The following KIAA1217 variants were observed in gnomAD, a reference collection of about 807,000 sequenced individuals.
The protein encoded by KIAA1217 is sickle tail protein homolog.
In KIAA1217, 88 loss-of-function variants were observed where a neutral mutation model predicts 163.9. The observed-to-expected ratio is 0.54, with a 90% CI of 0.45 to 0.64. The LOEUF (loss-of-function observed/expected upper bound fraction) is 0.64. KIAA1217 is among the 30% of genes least tolerant of loss of function. The pLI, the probability that KIAA1217 is intolerant of heterozygous loss-of-function variation, is 0.00. For synonymous variants in KIAA1217, 903 were observed against 923.1 expected (o/e 0.98, Z 0.39); for missense variants, 2,372 against 2,475.0 (o/e 0.96, Z 0.88).
chr10:23,704,221 A>C (rs1225062647), intron 1 of KIAA1217, among the ~76,000 whole-genome samples: 4 of 101,550 alleles, frequency 3.9e-5, no homozygotes, highest in African/African-American at 1.6e-4. Context: ...TAGTGAGCTC[A>C]GTGGTAAATA....
intron 2 of KIAA1217, among the ~76,000 whole-genome samples, chr10:24,233,940 A>C (rs561264723): frequency 5.3e-4 from 81 of 152,254 alleles, no homozygotes; most frequent in African/African-American, 1.9e-3. Flanking sequence ...AGTTATGATC[A>C]CACCTTCTCT....
At chr10:24,544,761 G>C (rs1038100554) in intron 19 of KIAA1217, among the ~76,000 whole-genome samples, 5 of 152,146 alleles carry the variant, frequency 3.3e-5, no homozygotes, top group Non-Finnish European at 4.4e-5. Context: ...TGTTGAAATG[G>C]TTGCTCTGAT....
chr10:24,540,278 G>T (rs2074824797), intron 17 of KIAA1217, among the ~76,000 whole-genome samples: 1 of 152,146 alleles, frequency 6.6e-6, no homozygotes, highest in Non-Finnish European at 1.5e-5. Context: ...CTCTCGCCCA[G>T]GCTGGAGTGC....
At chr10:23,912,054 T>A (rs571365794) in intron 1 of KIAA1217, among the ~76,000 whole-genome samples, 1 of 152,250 alleles carries the variant, frequency 6.6e-6, no homozygotes, top group South Asian at 2.1e-4. Context: ...TTCCATTTAG[T>A]GGTTCCTGGA....
In KIAA1217 at chr10:24,524,481, C is replaced by G. The variant is rs781201803; in HGVS notation, c.2615C>G (p.Ala872Gly). Reference protein sequence around the residue: ...PFHSTGAPGDAKSEVVPLSGM... With the variant: ...PFHSTGAPGDGKSEVVPLSGM... ...CACAGCACAGGTGCCCCTGGCGATG[C>G]GAAGTCGGAAGTGGTGCCTTTGTCC... Residue 872 changes from alanine (A) to glycine (G), a missense_variant, in exon 13 of 21, where the codon GCG (alanine) becomes GGG (glycine). Ala to Gly is a moderately conservative substitution (Grantham distance 60, BLOSUM62 0). Coordinates refer to ENST00000376454, the MANE Select transcript of KIAA1217 (RefSeq NM_019590.5). The G allele has an allele frequency of 6.2e-7, 1 of 1,614,054 alleles. No homozygotes were observed. Among genetic ancestry groups the G allele is most frequent in the Non-Finnish European group, 8.5e-7 (1 of 1,180,038 alleles).
intron 2 of KIAA1217, among the ~76,000 whole-genome samples, chr10:24,145,937 C>T (rs1052330269): frequency 6.6e-6 from 1 of 152,182 alleles, no homozygotes; most frequent in African/African-American, 2.4e-5. Flanking sequence ...GGTTCTGCCT[C>T]TCCCAAGTCC....
At chr10:23,968,615 C>T (rs912989731) in intron 1 of KIAA1217, among the ~76,000 whole-genome samples, 12 of 152,270 alleles carry the variant, frequency 7.9e-5, no homozygotes, top group Admixed American at 1.3e-4. Flanking sequence ...CATCCATTAG[C>T]GGTTACTTCC....
At chr10:24,326,966 A>T (rs923424683) in intron 2 of KIAA1217, among the ~76,000 whole-genome samples, 4 of 152,132 alleles carry the variant, frequency 2.6e-5, no homozygotes, top group African/African-American at 7.2e-5. Context: ...TTTTATGCAT[A>T]CCTTTTGGTT....
At chr10:24,348,903 T>C (rs527683588) in intron 2 of KIAA1217, among the ~76,000 whole-genome samples, 1 of 152,246 alleles carries the variant, frequency 6.6e-6, no homozygotes, top group South Asian at 2.1e-4. Context: ...TCCCAGAGTT[T>C]TGGGAAGCCA....
At chr10:24,298,926 C>T (rs549338082) in intron 2 of KIAA1217, among the ~76,000 whole-genome samples, 128 of 152,258 alleles carry the variant, frequency 8.4e-4, no homozygotes, top group Non-Finnish European at 7.3e-5. Context: ...AGAGCTTGGG[C>T]TCAGGAATTA....
intron 2 of KIAA1217, among the ~76,000 whole-genome samples, chr10:24,318,806 C>T (rs2043748763): frequency 1.3e-5 from 2 of 152,204 alleles, no homozygotes; most frequent in Admixed American, 1.3e-4. Context: ...AAGAAGAATG[C>T]TTATGATCTA....
intron 1 of KIAA1217, among the ~76,000 whole-genome samples, chr10:23,872,304 C>T (rs1450519976): frequency 6.6e-6 from 1 of 151,930 alleles, no homozygotes; most frequent in African/African-American, 2.4e-5. Context: ...TTTTAAAAGA[C>T]TTAGGAGAGA....
intron 2 of KIAA1217, among the ~76,000 whole-genome samples, chr10:24,264,993 A>G (rs1045754560): frequency 2.6e-5 from 4 of 151,930 alleles, no homozygotes; most frequent in African/African-American, 9.7e-5. Context: ...TGGGACTACA[A>G]GTGTGTGCCA....
chr10:24,016,767 A>G (rs1589238341), intron 2 of KIAA1217, among the ~76,000 whole-genome samples: 1 of 152,088 alleles, frequency 6.6e-6, no homozygotes. Context: ...AAAAATAAGC[A>G]TAGTAACTAA....
intron 1 of KIAA1217, among the ~76,000 whole-genome samples, chr10:23,859,414 G>A (rs1839854180): frequency 1.3e-5 from 2 of 152,202 alleles, no homozygotes; most frequent in Admixed American, 1.3e-4. Flanking sequence ...AATTGTCATT[G>A]TTGATTGGTT....
chr10:24,545,545 C>T (rs970306438), intron 20 of KIAA1217: 80 of 1,334,706 alleles, frequency 6.0e-5, no homozygotes, highest in Non-Finnish European at 7.5e-5. Flanking sequence ...TATCCAGACG[C>T]ATGGCCCACC....
intron 1 of KIAA1217, among the ~76,000 whole-genome samples, chr10:23,893,024 T>G (rs976691039): frequency 6.6e-6 from 1 of 151,960 alleles, no homozygotes; most frequent in Non-Finnish European, 1.5e-5. Context: ...TTAGGGAGGA[T>G]TCTCTCTTTT....
intron 2 of KIAA1217, among the ~76,000 whole-genome samples, chr10:24,015,517 A>T (rs1344772515): frequency 6.6e-6 from 1 of 152,076 alleles, no homozygotes; most frequent in East Asian, 1.9e-4. Context: ...GCACTTTGGG[A>T]GGCCAAGGCA....
intron 1 of KIAA1217, among the ~76,000 whole-genome samples, chr10:23,822,792 G>T (rs1837685635): frequency 6.6e-6 from 1 of 152,140 alleles, no homozygotes; most frequent in Non-Finnish European, 1.5e-5. Flanking sequence ...GAATAAGAAT[G>T]AATCAAGTAT....
Sources: allele counts gnomAD v4.1 joint callset (sites outside exome capture counted in the v4.1 genomes callset), GRCh38; gene constraint gnomAD v4.1.1; transcripts MANE v1.5; gene names NCBI Gene and HGNC (gene_info 2026-07-23, HGNC 2026-07-21).